The following PTPRD variants were observed in gnomAD, a reference collection of about 807,000 sequenced individuals.
PTPRD encodes protein tyrosine phosphatase receptor type D.
PTPRD carries 34 observed loss-of-function variants against 214.5 expected under a neutral mutation model. The observed-to-expected ratio is 0.16, with a 90% CI of 0.12 to 0.21. The LOEUF is 0.21. Ranked by LOEUF, PTPRD falls within the 10% of genes least tolerant of loss-of-function variation. The pLI, the probability that PTPRD is intolerant of heterozygous loss-of-function variation, is 1.00. For missense variants in PTPRD, 2,545 were observed against 2,398.7 expected, an observed-to-expected ratio of 1.06 and a Z score of -1.27; for synonymous variants, 1,128 against 845.7, an observed-to-expected ratio of 1.33 and a Z score of -5.79.
chr9:8,934,450 TTTATATATATATAA>T (rs1489116884), intron 11 of PTPRD, among the ~76,000 whole-genome samples: 8,269 of 36,684 alleles, frequency 0.23, 966 homozygotes, highest in Non-Finnish European at 0.33. Flanking sequence ...TATATATAAA[TTTATATATATATAA>T]ATATATATAT....
intron 7 of PTPRD, among the ~76,000 whole-genome samples, chr9:9,642,423 A>G (rs920397425): frequency 6.6e-6 from 1 of 152,198 alleles, no homozygotes; most frequent in Admixed American, 6.5e-5. Flanking sequence ...AATAAAAAAA[A>G]TAAGTTAATC....
intron 11 of PTPRD, among the ~76,000 whole-genome samples, chr9:8,875,733 T>G (rs1394307572): frequency 6.6e-6 from 1 of 152,272 alleles, no homozygotes; most frequent in East Asian, 1.9e-4. Context: ...TGTATAATAT[T>G]TCATGATTTT....
intron 31 of PTPRD, among the ~76,000 whole-genome samples, chr9:8,469,384 A>C (rs191911753): frequency 1.4e-4 from 22 of 152,134 alleles, no homozygotes; most frequent in Admixed American, 9.8e-4. Flanking sequence ...GTGCCTTAAA[A>C]ACTTTTTTTT....
At chr9:8,736,254 C>T (rs564428562) in intron 11 of PTPRD, among the ~76,000 whole-genome samples, 1 of 152,092 alleles carries the variant, frequency 6.6e-6, no homozygotes, top group East Asian at 1.9e-4. Flanking sequence ...ATAATTGTAC[C>T]TATAGAACCC....
chr9:8,766,072 G>T (rs180842033), intron 11 of PTPRD, among the ~76,000 whole-genome samples: 1 of 151,826 alleles, frequency 6.6e-6, no homozygotes, highest in Non-Finnish European at 1.5e-5. Context: ...ATAGTCATTG[G>T]TAGTGTCCAT....
intron 3 of PTPRD, among the ~76,000 whole-genome samples, chr9:10,168,681 A>G (rs548478832): frequency 3.5e-4 from 54 of 152,364 alleles, no homozygotes; most frequent in Admixed American, 7.8e-4. Flanking sequence ...TATTTATTAA[A>G]AGAAAATAGA....
At chr9:9,644,985 G>T (rs188895415) in intron 7 of PTPRD, among the ~76,000 whole-genome samples, 1 of 152,294 alleles carries the variant, frequency 6.6e-6, no homozygotes, top group Non-Finnish European at 1.5e-5. Context: ...GTTACCAAGA[G>T]GGCAGGGTGT....
At chr9:9,493,521 G>T (rs2096016615) in intron 8 of PTPRD, among the ~76,000 whole-genome samples, 1 of 152,024 alleles carries the variant, frequency 6.6e-6, no homozygotes, top group South Asian at 2.1e-4. Context: ...GGGTAGGGTG[G>T]CTCATGCCTG....
intron 12 of PTPRD, among the ~76,000 whole-genome samples, chr9:8,682,411 T>C (rs1020382455): frequency 6.9e-6 from 1 of 144,022 alleles, no homozygotes; most frequent in South Asian, 2.1e-4. Context: ...TTTGGGGGGA[T>C]ACATATCCAA....
rs577672051 is a variant in PTPRD at position 8,631,556 on chromosome 9, T to C, written c.352+1761A>G. Among the ~76,000 whole-genome samples the C allele has an allele frequency of 1.8e-3, 274 of 151,992 alleles. 4 individuals carry two copies. The highest frequency in any genetic ancestry group is 6.3e-3 in the African/African-American group (261 of 41,520). ...GTGTCTGTTGCACACTCTATGGGACTCACTGTTTCTGACCAGCTTTTATGT... is the reference window on the plus strand; with the variant it reads ...GTGTCTGTTGCACACTCTATGGGACCCACTGTTTCTGACCAGCTTTTATGT... On this transcript the variant is annotated intron_variant, in intron 14 of 45. Coordinates refer to ENST00000381196, the MANE Select transcript of PTPRD (RefSeq NM_002839.4).
intron 10 of PTPRD, among the ~76,000 whole-genome samples, chr9:9,104,112 T>A (rs1003080769): frequency 6.6e-6 from 1 of 152,200 alleles, no homozygotes; most frequent in African/African-American, 2.4e-5. Flanking sequence ...TTGGCAAATT[T>A]TTCTGTATAG....
chr9:8,659,277 G>C (rs1430205617), intron 12 of PTPRD, among the ~76,000 whole-genome samples: 1 of 152,146 alleles, frequency 6.6e-6, no homozygotes, highest in East Asian at 1.9e-4. Context: ...AAGAATCTCA[G>C]GAGACTGTGT....
intron 3 of PTPRD, among the ~76,000 whole-genome samples, chr9:10,156,903 T>C (rs1265273527): frequency 6.6e-6 from 1 of 152,226 alleles, no homozygotes; most frequent in Non-Finnish European, 1.5e-5. Flanking sequence ...TCTTTGTCTT[T>C]TTTCTTTGTT....
intron 35 of PTPRD, among the ~76,000 whole-genome samples, chr9:8,421,395 T>C (rs1456233500): frequency 6.6e-6 from 1 of 151,630 alleles, no homozygotes; most frequent in Non-Finnish European, 1.5e-5. Flanking sequence ...TCTTTCTTTC[T>C]TTCTCTCAAC....
intron 2 of PTPRD, among the ~76,000 whole-genome samples, chr9:10,514,889 T>C: frequency 6.6e-6 from 1 of 152,034 alleles, no homozygotes; most frequent in East Asian, 1.9e-4. Context: ...AAGAAATTAT[T>C]TTTTAAAAAT....
chr9:8,324,804 A>G (rs569967721), intron 44 of PTPRD, among the ~76,000 whole-genome samples: 4 of 151,448 alleles, frequency 2.6e-5, no homozygotes, highest in African/African-American at 7.2e-5. Context: ...TAATTGGTGT[A>G]AGATGGTATC....
chr9:8,419,523 C>T (rs79318947), intron 35 of PTPRD, among the ~76,000 whole-genome samples: 25,840 of 151,850 alleles, frequency 0.17, 2,611 homozygotes, highest in Non-Finnish European at 0.22. Context: ...ATAAATGGCA[C>T]GCTCTACAAG....
At chr9:8,404,383 C>T (rs751981893) in intron 36 of PTPRD, among the ~76,000 whole-genome samples, 154 bp downstream of exon 36, 3 of 152,198 alleles carry the variant, frequency 2.0e-5, no homozygotes, top group Non-Finnish European at 4.4e-5. Context: ...CCCGCCTCAG[C>T]CTCCCAAAGT....
chr9:9,290,950 C>A (rs576796313), intron 9 of PTPRD, among the ~76,000 whole-genome samples: 1 of 151,452 alleles, frequency 6.6e-6, no homozygotes. Flanking sequence ...TCATAGAAAT[C>A]ACTGAGCTCT....
Sources: allele counts gnomAD v4.1 joint callset (sites outside exome capture counted in the v4.1 genomes callset), GRCh38; gene constraint gnomAD v4.1.1; transcripts MANE v1.5; gene names NCBI Gene and HGNC (gene_info 2026-07-23, HGNC 2026-07-21).